WWOX: variants seen among roughly 807,000 people sequenced by gnomAD.
The protein encoded by WWOX is WW domain containing oxidoreductase.
In WWOX, 69 loss-of-function variants were observed where a neutral mutation model predicts 46.2. The ratio of observed to expected loss-of-function variants is 1.49; its 90% CI spans 1.23 to 1.82. The LOEUF is 1.82. Ranked by LOEUF, WWOX falls within the 40% of genes most tolerant of loss-of-function variation. WWOX has a pLI of 0.00. For missense variants in WWOX, 919 were observed against 542.6 expected (o/e 1.69, Z -6.89); for synonymous variants, 359 against 202.6 (o/e 1.77, Z -6.56).
intron 8 of WWOX, among the ~76,000 whole-genome samples, chr16:78,575,319 G>C (rs2044850542): frequency 6.7e-6 from 1 of 149,750 alleles, no homozygotes; most frequent in Non-Finnish European, 1.5e-5. Context: ...CCCTAATACT[G>C]TTCCTAGTTA....
intron 8 of WWOX, chr16:78,899,486 A>C (rs1433077236): frequency 6.6e-6 from 1 of 152,192 alleles, no homozygotes; most frequent in East Asian, 1.9e-4. Context: ...TGACTGATAC[A>C]CAGTGAGTTC....
chr16:78,398,530 C>A (rs937702947), intron 6 of WWOX, among the ~76,000 whole-genome samples: 1 of 152,180 alleles, frequency 6.6e-6, no homozygotes, highest in Non-Finnish European at 1.5e-5. Flanking sequence ...TACCCGGGCA[C>A]CACAGTTGAT....
chr16:79,082,127 C>G (rs1325098155), intron 8 of WWOX, among the ~76,000 whole-genome samples: 20 of 152,334 alleles, frequency 1.3e-4, no homozygotes, highest in Admixed American at 1.1e-3. Context: ...CCTCTTCACT[C>G]AGCACCAGCT....
chr16:78,638,260 T>G (rs962293361), intron 8 of WWOX, among the ~76,000 whole-genome samples: 1 of 152,174 alleles, frequency 6.6e-6, no homozygotes, highest in African/African-American at 2.4e-5. Context: ...GGCCCAAGTT[T>G]CCTAAGTGGC....
chr16:78,423,665 C>T (rs1333717817), intron 6 of WWOX, among the ~76,000 whole-genome samples: 2 of 151,702 alleles, frequency 1.3e-5, no homozygotes, highest in African/African-American at 2.4e-5. Context: ...AGGGGGAGCC[C>T]ATCTCTACAA....
chr16:78,979,264 C>T (rs1328723836), intron 8 of WWOX, among the ~76,000 whole-genome samples: 1 of 152,156 alleles, frequency 6.6e-6, no homozygotes, highest in East Asian at 1.9e-4. Flanking sequence ...CCCATTCCCA[C>T]CTCCCAGAGA....
At chr16:78,160,283 C>G (rs951461936) in intron 4 of WWOX, among the ~76,000 whole-genome samples, 41 of 151,922 alleles carry the variant, frequency 2.7e-4, no homozygotes, top group African/African-American at 9.9e-4. Flanking sequence ...CAGGTGTGCA[C>G]CACCACGCCC....
intron 8 of WWOX, among the ~76,000 whole-genome samples, chr16:78,842,208 A>T (rs991221376): frequency 5.3e-5 from 8 of 152,168 alleles, no homozygotes; most frequent in Middle Eastern, 3.4e-3. Flanking sequence ...CAAAATTCAA[A>T]ATGGGTTGGG....
At chr16:78,513,119 C>A (rs528292105) in intron 8 of WWOX, among the ~76,000 whole-genome samples, 1 of 152,144 alleles carries the variant, frequency 6.6e-6, no homozygotes, top group Non-Finnish European at 1.5e-5. Flanking sequence ...TATTTTCATT[C>A]TCTCCGTTGG....
At chr16:79,071,469 C>G (rs1354594482) in intron 8 of WWOX, among the ~76,000 whole-genome samples, 1 of 152,152 alleles carries the variant, frequency 6.6e-6, no homozygotes, top group Non-Finnish European at 1.5e-5. Context: ...ATTACCCAAA[C>G]CAAGTTTCAT....
chr16:78,649,609 T>A (rs1439052289), intron 8 of WWOX, among the ~76,000 whole-genome samples: 1 of 152,222 alleles, frequency 6.6e-6, no homozygotes, highest in Non-Finnish European at 1.5e-5. Context: ...ACCATGACCT[T>A]GGCCTTTCCC....
intron 5 of WWOX, among the ~76,000 whole-genome samples, chr16:78,374,119 T>G (rs1021879596): frequency 2.0e-5 from 3 of 152,202 alleles, no homozygotes; most frequent in Non-Finnish European, 4.4e-5. Context: ...TAGAATTTCT[T>G]TTTATCTGAG....
chr16:78,733,489 TGTAATCCCAGCACTCTGGGAG>T (rs2049012625), intron 8 of WWOX, among the ~76,000 whole-genome samples: 1 of 151,274 alleles, frequency 6.6e-6, no homozygotes, highest in African/African-American at 2.4e-5. Context: ...GGCTCATGCC[TGTAATCCCAGCACTCTGGGAG>T]GACGAGGTGG....
At chr16:79,194,960 C>T (rs149361273) in intron 8 of WWOX, among the ~76,000 whole-genome samples, 79 of 152,224 alleles carry the variant, frequency 5.2e-4, no homozygotes, top group African/African-American at 1.6e-3. Context: ...GATGCTACTG[C>T]TAATGCTGTC....
At chr16:79,186,340 C>G (rs1342462952) in intron 8 of WWOX, among the ~76,000 whole-genome samples, 1 of 152,170 alleles carries the variant, frequency 6.6e-6, no homozygotes, top group South Asian at 2.1e-4. Context: ...GGCCATGCTC[C>G]TTCTCTAGAG....
intron 4 of WWOX, among the ~76,000 whole-genome samples, chr16:78,118,661 A>T (rs2032936543): frequency 6.6e-6 from 1 of 152,148 alleles, no homozygotes; most frequent in Non-Finnish European, 1.5e-5. Context: ...TAGCTCGCAA[A>T]ACTGTAAATA....
intron 8 of WWOX, among the ~76,000 whole-genome samples, chr16:78,491,306 T>A (rs2084778832): frequency 6.6e-6 from 1 of 152,210 alleles, no homozygotes; most frequent in Admixed American, 6.5e-5. Flanking sequence ...TCTTTTCCCC[T>A]GGATGAGACG....
chr16:78,759,058 C>A (rs550980369), intron 8 of WWOX, among the ~76,000 whole-genome samples: 1 of 151,988 alleles, frequency 6.6e-6, no homozygotes, highest in South Asian at 2.1e-4. Context: ...TTTTGTGGGT[C>A]AATATATTCC....
intron 8 of WWOX, among the ~76,000 whole-genome samples, chr16:78,737,880 C>G (rs185262892): frequency 6.6e-6 from 1 of 152,146 alleles, no homozygotes. Flanking sequence ...TCACCGATCC[C>G]TTCCAAAGGC....
Sources: allele counts gnomAD v4.1 joint callset (sites outside exome capture counted in the v4.1 genomes callset), GRCh38; gene constraint gnomAD v4.1.1; transcripts MANE v1.5; gene names NCBI Gene and HGNC (gene_info 2026-07-23, HGNC 2026-07-21).